PIEZO2: variants seen among roughly 807,000 people sequenced by gnomAD.
The protein encoded by PIEZO2 is piezo-type mechanosensitive ion channel component 2.
PIEZO2 carries 172 observed loss-of-function variants against 337.3 expected under a neutral mutation model. The observed-to-expected ratio is 0.51, with a 90% CI of 0.45 to 0.58. PIEZO2 has a LOEUF of 0.58. Ranked by LOEUF, PIEZO2 falls within the 20% of genes least tolerant of loss-of-function variation. The pLI, the probability that PIEZO2 is intolerant of heterozygous loss-of-function variation, is 0.00. For synonymous variants in PIEZO2, 1,251 were observed against 1,228.5 expected, an observed-to-expected ratio of 1.02 and a Z score of -0.38; for missense variants, 3,028 against 3,391.3, an observed-to-expected ratio of 0.89 and a Z score of 2.66.
rs1170944589 is a variant in PIEZO2, at chr18:10,673,122, G to A, written c.8162-249C>T. On this transcript the variant is annotated intron_variant, in intron 54 of 55. Transcript: ENST00000674853. The surrounding 1 kb of genome is among the most constrained non-coding windows in gnomAD (Gnocchi z 4.8). ...CATGGGCATGGCAGCAAAACCACAG[G>A]GCAAAAGTAGAGGATCCACCACCTG... Among the ~76,000 whole-genome samples the A allele has an allele frequency of 6.6e-6, 1 of 152,098 alleles. No individual in the cohort carries two copies. Among genetic ancestry groups the A allele is most frequent in the African/African-American group, 2.4e-5 (1 of 41,422 alleles).
At chr18:10,921,448 A>G (rs964788974) in intron 3 of PIEZO2, among the ~76,000 whole-genome samples, 2 of 152,170 alleles carry the variant, frequency 1.3e-5, no homozygotes, top group African/African-American at 4.8e-5. Context: ...CTTAAATTGT[A>G]AAGATTTCAT....
intron 4 of PIEZO2, among the ~76,000 whole-genome samples, chr18:10,886,411 TATATATATATATGTA>T (rs2042601698): frequency 1.4e-5 from 1 of 69,816 alleles, no homozygotes; most frequent in African/African-American, 8.0e-5. Flanking sequence ...TATATATATA[TATATATATATATGTA>T]ATCTCCAGCA....
intron 3 of PIEZO2, among the ~76,000 whole-genome samples, chr18:10,958,574 T>C (rs536112105): frequency 1.4e-4 from 21 of 152,328 alleles, no homozygotes; most frequent in African/African-American, 5.1e-4. Flanking sequence ...CACAAAGTAA[T>C]GGATATATTA....
chr18:10,691,782 C>T (rs868192479), intron 47 of PIEZO2, among the ~76,000 whole-genome samples: 1 of 96,644 alleles, frequency 1.0e-5, no homozygotes, highest in African/African-American at 4.7e-5. Context: ...CACACACACA[C>T]ATATATATAT....
Position 10,677,934 on chromosome 18 carries a change from T to C in PIEZO2, c.7953-59A>G, listed in dbSNP as rs1002604366. The C allele has an allele frequency of 6.9e-7, 1 of 1,457,688 alleles. No individual in the cohort carries two copies. The highest frequency in any genetic ancestry group is 9.2e-7 in the Non-Finnish European group (1 of 1,089,198). The allele number at this position is 1,457,688 out of a possible 1,614,324, so 90.3% of individuals were successfully genotyped here. Reference sequence around the variant, plus strand: ...ATTATTCAGAAGTCTGGAAAAGAGATTTACAACATATTTAACTCTTAATTT... The same window carrying C: ...ATTATTCAGAAGTCTGGAAAAGAGACTTACAACATATTTAACTCTTAATTT... On this transcript the variant is annotated intron_variant, in intron 52 of 55. Transcript: ENST00000674853. The surrounding 1 kb of genome is among the most constrained non-coding windows in gnomAD (Gnocchi z 4.1).
intron 33 of PIEZO2, chr18:10,740,392 C>T (rs1321220388): frequency 6.6e-6 from 1 of 152,418 alleles, no homozygotes; most frequent in Non-Finnish European, 1.5e-5. Context: ...GAAGGCTGTG[C>T]CACATGTGGG....
At chr18:10,905,196 T>C (rs2145032657) in intron 4 of PIEZO2, among the ~76,000 whole-genome samples, 1 of 152,334 alleles carries the variant, frequency 6.6e-6, no homozygotes, top group East Asian at 1.9e-4. Context: ...TAGAAGCCCA[T>C]CTTTCACAAA....
intron 4 of PIEZO2, among the ~76,000 whole-genome samples, chr18:10,889,724 G>C (rs264220): frequency 0.63 from 96,318 of 152,048 alleles, 30,769 homozygotes; most frequent in East Asian, 0.78. Flanking sequence ...CACAGTGGAT[G>C]ACAGACTAAC....
chr18:11,007,088 G>T (rs2035750772), intron 2 of PIEZO2, among the ~76,000 whole-genome samples: 1 of 152,016 alleles, frequency 6.6e-6, no homozygotes, highest in Admixed American at 6.6e-5. Context: ...GTTAACTATA[G>T]TCTCCTTATT....
Position 10,748,844 on chromosome 18 carries a change from C to T in PIEZO2, c.4265-214G>A, listed in dbSNP as rs1279375480. ...CATAAGGCTGACCATGCATTGAACT[C>T]TTCACACTACAAGGCTCAGGAGGGC... On this transcript the variant is annotated intron_variant, in intron 29 of 55. Transcript: ENST00000674853. The surrounding 1 kb of genome is among the most constrained non-coding windows in gnomAD (Gnocchi z 5.1). 2.6e-5 allele frequency among the ~76,000 whole-genome samples: 4 copies of T among 152,192 alleles called. No homozygotes were observed. The highest frequency in any genetic ancestry group is 5.9e-5 in the Non-Finnish European group (4 of 68,040).
rs2036890762 is a variant in PIEZO2 at position 11,035,319 on chromosome 18, C to CTCTCTCTCTCTT, written c.160+30807_160+30808insAAGAGAGAGAGA. 1.6e-5 allele frequency among the ~76,000 whole-genome samples: 1 copy of CTCTCTCTCTCTT among 60,782 alleles called. No homozygotes were observed. Among genetic ancestry groups the CTCTCTCTCTCTT allele is most frequent in the Non-Finnish European group, 3.5e-5 (1 of 28,610 alleles). The allele number at this position is 60,782 out of a possible 152,430, so 39.9% of individuals were successfully genotyped here. A position where few individuals can be genotyped will look rare whatever the true frequency, so the allele number is the denominator to read the frequency against. ...TGGCACCTTCTCTCTCTCTCCCTCT[C>CTCTCTCTCTCTT]TCTCTCTCTCTCTCTTTCTCTCTCT... On this transcript the variant is annotated intron_variant, in intron 2 of 55. Coordinates refer to ENST00000674853, the MANE Select transcript of PIEZO2 (RefSeq NM_001378183.1). The surrounding 1 kb of genome is among the most constrained non-coding windows in gnomAD (Gnocchi z 4.3).
chr18:11,015,821 C>T (rs930689600), intron 2 of PIEZO2, among the ~76,000 whole-genome samples: 2 of 152,170 alleles, frequency 1.3e-5, no homozygotes, highest in African/African-American at 2.4e-5. Flanking sequence ...CACGAACACA[C>T]ACAAAAAACC....
Position 10,797,460 on chromosome 18 carries a change from T to A in PIEZO2, c.1441A>T (p.Lys481Ter). ...ATGGCATGAACTTTGATACTTCTTT[T>A]TTCCTCACGGCTCCTTTCTTCTTCA... ...EFEEERSREEKRSIKVHAMVS... is the reference protein window; with the variant it reads ...EFEEERSREE The change falls in exon 12 of 56, where the codon AAA (lysine) becomes TAA (stop). Residue 481 changes from lysine to a stop codon, truncating the protein, a stop_gained. Coordinates refer to ENST00000674853, the MANE Select transcript of PIEZO2 (RefSeq NM_001378183.1). LOFTEE classifies it high-confidence loss of function. 1 of 1,537,218 alleles carries A rather than the reference T, an allele frequency of 6.5e-7. No individual in the cohort carries two copies. Among genetic ancestry groups the A allele is most frequent in the Non-Finnish European group, 8.7e-7 (1 of 1,146,900 alleles).
rs1308651673 is a variant in PIEZO2 at position 10,828,030 on chromosome 18, A to T, written c.918-20756T>A. Among the ~76,000 whole-genome samples the T allele has an allele frequency of 6.6e-6, 1 of 152,244 alleles. No individual in the cohort carries two copies. ...CTAGGTTGATGGAGATTTTATAAGCAAAAGATGAATAAACATATAAACTAT... is the reference window on the plus strand; with the variant it reads ...CTAGGTTGATGGAGATTTTATAAGCTAAAGATGAATAAACATATAAACTAT... On this transcript the variant is annotated intron_variant, in intron 7 of 55. Transcript: ENST00000674853. The surrounding 1 kb of genome is among the most constrained non-coding windows in gnomAD (Gnocchi z 4.1).
intron 5 of PIEZO2, among the ~76,000 whole-genome samples, chr18:10,869,646 C>T (rs1006031934): frequency 2.6e-5 from 4 of 152,180 alleles, no homozygotes; most frequent in African/African-American, 9.7e-5. Flanking sequence ...TTTAAATCCT[C>T]TGTCTTACAA....
At chr18:10,910,613 A>G (rs1205759370) in intron 4 of PIEZO2, among the ~76,000 whole-genome samples, 1 of 152,196 alleles carries the variant, frequency 6.6e-6, no homozygotes, top group Non-Finnish European at 1.5e-5. Flanking sequence ...AAAGAAAAAA[A>G]GAAAAAGAAA....
rs1371355949 is a variant in PIEZO2, at chr18:11,112,665, G to A, written c.64+35860C>T. Among the ~76,000 whole-genome samples the A allele has an allele frequency of 6.6e-6, 1 of 152,194 alleles. No individual in the cohort carries two copies. The highest frequency in any genetic ancestry group is 2.4e-5 in the African/African-American group (1 of 41,438). ...CGTAAGTCAACAATTGCCAGATTAGGCACAGAAACAAACCTATATAACTTT... is the reference window on the plus strand; with the variant it reads ...CGTAAGTCAACAATTGCCAGATTAGACACAGAAACAAACCTATATAACTTT... On this transcript the variant is annotated intron_variant, in intron 1 of 55. Transcript: ENST00000674853. The surrounding 1 kb of genome is among the most constrained non-coding windows in gnomAD (Gnocchi z 4.3).
intron 36 of PIEZO2, among the ~76,000 whole-genome samples, chr18:10,718,823 G>A (rs2036121977): frequency 6.6e-6 from 1 of 151,862 alleles, no homozygotes; most frequent in African/African-American, 2.4e-5. Flanking sequence ...ACCAGCCTGG[G>A]CAACATATAG....
chr18:10,752,401 T>C (rs1048912664), intron 28 of PIEZO2, among the ~76,000 whole-genome samples: 5 of 152,234 alleles, frequency 3.3e-5, no homozygotes, highest in Non-Finnish European at 4.4e-5. Context: ...TTTATTCCTA[T>C]GAACACATAT....
Sources: allele counts gnomAD v4.1 joint callset (sites outside exome capture counted in the v4.1 genomes callset), GRCh38; gene constraint gnomAD v4.1.1; non-coding constraint Gnocchi (gnomAD v3.1); transcripts MANE v1.5; gene names NCBI Gene and HGNC (gene_info 2026-07-23, HGNC 2026-07-21).